The following FSIP2 variants were observed in gnomAD, a reference collection of about 807,000 sequenced individuals.
The protein encoded by FSIP2 is fibrous sheath-interacting protein 2.
In FSIP2, 367 loss-of-function variants were observed where a neutral mutation model predicts 510.5. The ratio of observed to expected loss-of-function variants is 0.72; its 90% CI spans 0.66 to 0.78. FSIP2 has a LOEUF of 0.78. FSIP2 is among the 30% of genes least tolerant of loss of function. FSIP2 has a pLI of 0.00. For synonymous variants in FSIP2, 2,601 were observed against 2,732.2 expected (o/e 0.95, Z 1.50); for missense variants, 7,594 against 7,901.7 (o/e 0.96, Z 1.48).
rs1693552812 is a variant in FSIP2, at chr2:185,805,726, A to G, written c.16420A>G (p.Ser5474Gly). 3.1e-6 allele frequency: 5 copies of G among 1,606,868 alleles called. No individual in the cohort carries two copies. Among genetic ancestry groups the G allele is most frequent in the Middle Eastern group, 1.7e-4 (1 of 6,002 alleles). ...INRGTMNRKK[S>G]FKTKDTSVKK... ...TAGAGGTACAATGAATAGAAAGAAA[A>G]GTTTTAAAACCAAGGACACATCAGT... is the stretch of plus-strand genomic sequence containing the variant. Residue 5474 changes from serine to glycine, a missense_variant, in exon 17 of 23, where the codon AGT becomes GGT. Coordinates refer to ENST00000424728, the MANE Select transcript of FSIP2 (RefSeq NM_173651.4).
At position 185,803,730 on chromosome 2, in the gene FSIP2, G is replaced by A. The variant is rs765811456; in HGVS notation, c.14424G>A (p.Leu4808=). The A allele has an allele frequency of 2.0e-6, 3 of 1,532,768 alleles. No individual in the cohort carries two copies. The highest frequency in any genetic ancestry group is 1.7e-4 in the Middle Eastern group (1 of 5,986). The allele number at this position is 1,532,768 out of a possible 1,614,324, so 94.9% of individuals were successfully genotyped here. ...AGCTTACATCTCAGATAAGTCCATT[G>A]AACACCAGTGCAGAGCAGTCAGATA... The part of the protein sequence containing the change: ...VTQLTSQISP[L]NTSAEQSDTT... Residue 4808 remains leucine, a synonymous_variant, in exon 17 of 23, where the codon TTG becomes TTA. Coordinates refer to ENST00000424728, the MANE Select transcript of FSIP2 (RefSeq NM_173651.4).
At chr2:185,827,132 T>C (rs1694026707) in intron 20 of FSIP2, among the ~76,000 whole-genome samples, 2 of 151,972 alleles carry the variant, frequency 1.3e-5, no homozygotes, top group Admixed American at 6.6e-5. Flanking sequence ...AAATAAAGTA[T>C]GTCAAATTAT....
chr2:185,813,936 C>T lies in FSIP2; in HGVS notation c.20219C>T (p.Ser6740Phe), dbSNP rs1328779690. ...TEAISNQVIE[S>F]KETHVKRAVA... ...GCAATCTCAAATCAGGTAATAGAAT[C>T]CAAGGAGACACATGTTAAAAGAGCT... The change falls in exon 18 of 23, where the codon TCC becomes TTC. Residue 6740 changes from serine to phenylalanine, a missense_variant. Physicochemically the swap from Ser to Phe is radical, Grantham distance 155. Transcript: ENST00000424728. The T allele has an allele frequency of 1.2e-6, 2 of 1,613,430 alleles. No homozygotes were observed. Among genetic ancestry groups the T allele is most frequent in the East Asian group, 2.2e-5 (1 of 44,818 alleles).
intron 19 of FSIP2, 86 bp from the exon 20 acceptor site, chr2:185,824,348 T>A: frequency 1.2e-6 from 1 of 847,230 alleles, no homozygotes; most frequent in Non-Finnish European, 1.9e-6. Flanking sequence ...TCTTTCCATA[T>A]GGAGAATAAC....
At position 185,791,672 on chromosome 2, in the gene FSIP2, C is replaced by T. The variant is rs1468927628; in HGVS notation, c.4536C>T (p.Ile1512=). ...TTGCAAGTTGTGGATTAAAAGCTAT[C>T]TCAGAGTCTCTTGACATTGACAACC... ...TSFASCGLKA[I]SESLDIDNPS... is the part of the protein sequence containing the mutation. The change falls in exon 16 of 23, where the codon ATC becomes ATT. Residue 1512 remains isoleucine (I), a synonymous_variant. Coordinates refer to ENST00000424728, the MANE Select transcript of FSIP2 (RefSeq NM_173651.4). The T allele has an allele frequency of 3.3e-6, 5 of 1,534,050 alleles. No individual in the cohort carries two copies. The highest frequency in any genetic ancestry group is 1.4e-5 in the African/African-American group (1 of 72,888).
At chr2:185,778,116 A>G (rs1194565221) in intron 13 of FSIP2, among the ~76,000 whole-genome samples, 1 of 152,012 alleles carries the variant, frequency 6.6e-6, no homozygotes, top group African/African-American at 2.4e-5. Flanking sequence ...ATTTTCAGAT[A>G]TATTTGCATA....
chr2:185,807,881 CTA>C lies in FSIP2; in HGVS notation c.18579_18580del (p.Phe6194SerfsTer5). On this transcript the variant is annotated frameshift_variant, in exon 17 of 23. Coordinates refer to ENST00000424728, the MANE Select transcript of FSIP2 (RefSeq NM_173651.4). LOFTEE classifies it high-confidence loss of function. ...GTGAAATTTTTATCAAAGCTTTTAT[CTA>C]TATTTCCAAAAGTACATAAAGAAAG... is the stretch of plus-strand genomic sequence containing the variant. 1 of 1,605,078 alleles carries C rather than the reference CTA, an allele frequency of 6.2e-7. No individual in the cohort carries two copies. The highest frequency in any genetic ancestry group is 8.5e-7 in the Non-Finnish European group (1 of 1,176,620).
chr2:185,815,293 T>C (rs1693806317), intron 18 of FSIP2, 78 bp from the exon 19 acceptor site: 3 of 707,194 alleles, frequency 4.2e-6, no homozygotes, highest in South Asian at 1.7e-5. Context: ...ATGTAGATTA[T>C]ACTGCAAAAA....
At chr2:185,823,715 A>G (rs1280588052) in intron 19 of FSIP2, among the ~76,000 whole-genome samples, 2 of 151,798 alleles carry the variant, frequency 1.3e-5, no homozygotes, top group Admixed American at 6.6e-5. Flanking sequence ...GACTTACCCT[A>G]TGATCAAGCA....
Position 185,800,617 on chromosome 2 carries a change from A to G in FSIP2, c.11311A>G (p.Thr3771Ala), listed in dbSNP as rs1357657100. 4.6e-6 allele frequency: 7 copies of G among 1,533,052 alleles called. No homozygotes were observed. In the Admixed American group the frequency reaches 1.2e-4, roughly 26 times the overall value. 95.0% of individuals were successfully genotyped at this position (1,533,052 alleles called of 1,614,324 possible). A position where few individuals can be genotyped will look rare whatever the true frequency, so the allele number is the denominator to read the frequency against. The change falls in exon 17 of 23, where the codon ACT (threonine) becomes GCT (alanine). Residue 3771 changes from threonine (T) to alanine (A), a missense_variant. By Grantham distance (58) the Thr-to-Ala change is moderately conservative. Coordinates refer to ENST00000424728, the MANE Select transcript of FSIP2 (RefSeq NM_173651.4). ...AATACTTTTGGAAGAATGCACAAGC[A>G]CTGCTTTTCCTGATAAAGGGTCTGT... The part of the protein sequence containing the change: ...IRILLEECTS[T>A]AFPDKGSVSE...
intron 14 of FSIP2, chr2:185,783,646 G>A (rs1210387571): frequency 6.6e-6 from 1 of 152,134 alleles, no homozygotes; most frequent in African/African-American, 2.4e-5. Flanking sequence ...CAGAAGGAAG[G>A]AAACTGGCTT....
rs762360271 is a variant in FSIP2 at position 185,833,142 on chromosome 2, G to T, written c.20640G>T (p.Met6880Ile). ...AAGGATCTAAAATGCTGACAAAAATGTCTTCAACTTTGTCAAAGGTGTTTT... is the reference window on the plus strand; with the variant it reads ...AAGGATCTAAAATGCTGACAAAAATTTCTTCAACTTTGTCAAAGGTGTTTT... ...SKQGSKMLTK[M>I]SSTLSKVFSQ... The change falls in exon 23 of 23, where the codon ATG becomes ATT. Residue 6880 changes from methionine (M) to isoleucine (I), a missense_variant. By Grantham distance (10) the Met-to-Ile change is conservative (BLOSUM62 1). Coordinates refer to ENST00000424728, the MANE Select transcript of FSIP2 (RefSeq NM_173651.4). 1 of 1,610,086 alleles carries T rather than the reference G, an allele frequency of 6.2e-7. No individual in the cohort carries two copies. Among genetic ancestry groups the T allele is most frequent in the African/African-American group, 1.3e-5 (1 of 74,806 alleles).
chr2:185,756,537 T>A (rs531045534), intron 9 of FSIP2, among the ~76,000 whole-genome samples: 1 of 151,602 alleles, frequency 6.6e-6, no homozygotes, highest in African/African-American at 2.4e-5. Flanking sequence ...ATGTTACTAT[T>A]AAATATATAA....
chr2:185,809,012 T>C lies in FSIP2; in HGVS notation c.19706T>C (p.Leu6569Pro). 1 of 1,612,760 alleles carries C rather than the reference T, an allele frequency of 6.2e-7. No individual in the cohort carries two copies. The highest frequency in any genetic ancestry group is 8.5e-7 in the Non-Finnish European group (1 of 1,179,476). Residue 6569 changes from leucine to proline, a missense_variant, in exon 17 of 23, where the codon CTG becomes CCG. Transcript: ENST00000424728. Reference sequence around the variant, plus strand: ...AGAACTGGACATAGCATAGCAGAACTGAGAAGAGCATCAATAAGTGGGAGA... The same window carrying C: ...AGAACTGGACATAGCATAGCAGAACCGAGAAGAGCATCAATAAGTGGGAGA... ...LKRTGHSIAELRRASISGRNY... is the reference protein window; with the variant it reads ...LKRTGHSIAEPRRASISGRNY...
intron 20 of FSIP2, among the ~76,000 whole-genome samples, chr2:185,825,419 C>T (rs765872275): frequency 1.9e-4 from 29 of 151,714 alleles, no homozygotes; most frequent in Non-Finnish European, 4.1e-4. Context: ...ATGTAACAGA[C>T]ATGGGACACC....
rs957878933 is a variant in FSIP2, at chr2:185,793,266, G to T, written c.6130G>T (p.Ala2044Ser). The change falls in exon 16 of 23, where the codon GCA becomes TCA. Residue 2044 changes from alanine (A) to serine (S), a missense_variant. By Grantham distance (99) the Ala-to-Ser change is moderately conservative. Coordinates refer to ENST00000424728, the MANE Select transcript of FSIP2 (RefSeq NM_173651.4). ...AAGTATTGCAAGTCAAATTGTTAACGCATTGTTAGACATTATATCACGTAA... is the reference window on the plus strand; with the variant it reads ...AAGTATTGCAAGTCAAATTGTTAACTCATTGTTAGACATTATATCACGTAA... ...SESIASQIVN[A>S]LLDIISRKGK... is the part of the protein sequence containing the mutation. The T allele has an allele frequency of 6.5e-7, 1 of 1,533,970 alleles. No individual in the cohort carries two copies.
intron 20 of FSIP2, among the ~76,000 whole-genome samples, chr2:185,825,112 T>C (rs1178469112): frequency 6.6e-6 from 1 of 151,808 alleles, no homozygotes; most frequent in Admixed American, 6.6e-5. Context: ...ATCATGACTA[T>C]TTCAAACATG....
At position 185,796,276 on chromosome 2, in the gene FSIP2, A is replaced by G; in HGVS notation, c.9140A>G (p.Lys3047Arg). The G allele has an allele frequency of 6.5e-7, 1 of 1,533,326 alleles. No homozygotes were observed. Among genetic ancestry groups the G allele is most frequent in the South Asian group, 1.2e-5 (1 of 83,518 alleles). The allele number at this position is 1,533,326 out of a possible 1,614,324, so 95.0% of individuals were successfully genotyped here. A position where few individuals can be genotyped will look rare whatever the true frequency, so the allele number is the denominator to read the frequency against. The change falls in exon 16 of 23, where the codon AAA (lysine) becomes AGA (arginine). Residue 3047 changes from lysine to arginine, a missense_variant. Lys to Arg is a conservative substitution (Grantham distance 26). Transcript: ENST00000424728. ...KKMLPKLQPL[K>R]MFSDKSESNT... ...ATGTTGCCAAAATTACAACCACTGA[A>G]AATGTTTTCTGATAAATCCGAGTCA...
chr2:185,761,365 T>C (rs369356096), intron 10 of FSIP2, among the ~76,000 whole-genome samples: 1 of 151,142 alleles, frequency 6.6e-6, no homozygotes, highest in South Asian at 2.1e-4. Flanking sequence ...TTATTGAGCA[T>C]ATACTATTGA....
Sources: gnomAD v4.1 joint callset for allele counts (sites outside exome capture counted in the v4.1 genomes callset) on GRCh38, gnomAD v4.1.1 for gene constraint, MANE v1.5 for transcripts, NCBI Gene and HGNC (gene_info 2026-07-23, HGNC 2026-07-21) for gene names.